The following CDH10 variants were observed in gnomAD, a reference collection of about 807,000 sequenced individuals.
The protein encoded by CDH10 is cadherin 10.
A neutral mutation model predicts 73.1 loss-of-function variants in CDH10; 30 were observed. The ratio of observed to expected loss-of-function variants is 0.41; its 90% CI spans 0.31 to 0.56. The LOEUF is 0.56. Ranked by LOEUF, CDH10 falls within the 20% of genes least tolerant of loss-of-function variation. The pLI, the probability that CDH10 is intolerant of heterozygous loss-of-function variation, is 0.27. For synonymous variants in CDH10, 345 were observed against 348.2 expected, an observed-to-expected ratio of 0.99 and a Z score of 0.10; for missense variants, 815 against 973.7, an observed-to-expected ratio of 0.84 and a Z score of 2.17.
At chr5:24,640,227 T>C (rs1343353273) in intron 1 of CDH10, among the ~76,000 whole-genome samples, 1 of 151,498 alleles carries the variant, frequency 6.6e-6, no homozygotes, top group Non-Finnish European at 1.5e-5. Context: ...GTTTTGTAAT[T>C]GTTTTAAATG....
At chr5:24,536,255 T>C (rs775535621) in intron 3 of CDH10, among the ~76,000 whole-genome samples, 13 of 152,078 alleles carry the variant, frequency 8.5e-5, no homozygotes, top group African/African-American at 1.2e-4. Context: ...ATTTTATGAA[T>C]AGATTAAATT....
intron 2 of CDH10, among the ~76,000 whole-genome samples, chr5:24,580,475 T>C (rs951505752): frequency 9.9e-5 from 15 of 152,260 alleles, no homozygotes; most frequent in African/African-American, 3.1e-4. Context: ...TATTCTATGA[T>C]ACCTTAGTTT....
chr5:24,606,461 A>C (rs902535733), intron 1 of CDH10, among the ~76,000 whole-genome samples: 1 of 152,042 alleles, frequency 6.6e-6, no homozygotes. Flanking sequence ...AAATACAAAA[A>C]TTAGCCAGGC....
At chr5:24,625,801 T>C (rs549060429) in intron 1 of CDH10, among the ~76,000 whole-genome samples, 47 of 151,632 alleles carry the variant, frequency 3.1e-4, no homozygotes, top group Non-Finnish European at 4.3e-4. Flanking sequence ...TTCTCCTACA[T>C]CACAAAATTC....
chr5:24,554,699 T>A (rs1744704706), intron 2 of CDH10, among the ~76,000 whole-genome samples: 1 of 152,132 alleles, frequency 6.6e-6, no homozygotes, highest in African/African-American at 2.4e-5. Context: ...CATTTAATTA[T>A]GGTAAAAAAG....
intron 5 of CDH10, among the ~76,000 whole-genome samples, chr5:24,533,397 A>C (rs568104281): frequency 3.9e-5 from 6 of 152,064 alleles, no homozygotes; most frequent in African/African-American, 1.4e-4. Context: ...ATGATCTAAA[A>C]TCCTCTAAAT....
At chr5:24,554,061 A>G (rs1744658850) in intron 2 of CDH10, 1 of 2,226 alleles carries the variant, frequency 4.5e-4, no homozygotes, top group Non-Finnish European at 8.8e-4. Context: ...AGCAAGACAC[A>G]GAGAGAGAGA....
chr5:24,589,820 A>T (rs143162286), intron 2 of CDH10, among the ~76,000 whole-genome samples: 69 of 152,242 alleles, frequency 4.5e-4, no homozygotes, highest in Middle Eastern at 6.8e-3. Flanking sequence ...CTAATAAAAA[A>T]TAGGAGTTTA....
chr5:24,518,302 A>T (rs1240506612), intron 5 of CDH10, among the ~76,000 whole-genome samples: 1 of 152,174 alleles, frequency 6.6e-6, no homozygotes, highest in Non-Finnish European at 1.5e-5. Flanking sequence ...AAAAGGAATG[A>T]AAAATGATGG....
intron 1 of CDH10, among the ~76,000 whole-genome samples, chr5:24,630,564 A>AG: frequency 6.6e-6 from 1 of 151,532 alleles, no homozygotes; most frequent in Non-Finnish European, 1.5e-5. Flanking sequence ...AAAAAAAAAA[A>AG]AAGAATATCA....
At chr5:24,619,319 A>T (rs1010660223) in intron 1 of CDH10, among the ~76,000 whole-genome samples, 1 of 151,778 alleles carries the variant, frequency 6.6e-6, no homozygotes, top group African/African-American at 2.4e-5. Flanking sequence ...TCAGCCTCCC[A>T]AGTAGCTGGG....
At position 24,543,515 on chromosome 5, in the gene CDH10, C is replaced by A. The variant is rs1255260271; in HGVS notation, c.232-5841G>T. Among the ~76,000 whole-genome samples, 3 of 152,014 alleles carry A rather than the reference C, an allele frequency of 2.0e-5. No individual in the cohort carries two copies. In the East Asian group the frequency reaches 5.8e-4, roughly 29 times the overall value. On this transcript the variant is annotated intron_variant, in intron 2 of 11. Coordinates refer to ENST00000264463, the MANE Select transcript of CDH10 (RefSeq NM_006727.5). ...TTCAATTTACAGTGATAATTTGTGC[C>A]TGATTTTCTTTCAAACAGCCAAGGT...
At chr5:24,613,359 A>C (rs1747016796) in intron 1 of CDH10, 1 of 152,000 alleles carries the variant, frequency 6.6e-6, no homozygotes, top group Admixed American at 6.6e-5. Context: ...CATAAGACTC[A>C]TTTTCATGCT....
chr5:24,552,813 C>G (rs909739352), intron 2 of CDH10, among the ~76,000 whole-genome samples: 2 of 151,922 alleles, frequency 1.3e-5, no homozygotes, highest in Non-Finnish European at 2.9e-5. Flanking sequence ...TCTTCCATAA[C>G]TTCTTAAATT....
At chr5:24,617,954 A>G (rs1388295059) in intron 1 of CDH10, among the ~76,000 whole-genome samples, 3 of 152,102 alleles carry the variant, frequency 2.0e-5, no homozygotes, top group Non-Finnish European at 4.4e-5. Context: ...CCCACCCTCT[A>G]TTTTACATAT....
At chr5:24,501,894 C>T (rs899985221) in intron 8 of CDH10, among the ~76,000 whole-genome samples, 5 of 151,540 alleles carry the variant, frequency 3.3e-5, no homozygotes, top group Admixed American at 3.3e-4. Flanking sequence ...TGATTGTGAC[C>T]TTAATTTTAG....
At chr5:24,573,655 C>A (rs1210754512) in intron 2 of CDH10, among the ~76,000 whole-genome samples, 9 of 146,856 alleles carry the variant, frequency 6.1e-5, no homozygotes, top group African/African-American at 2.3e-4. Flanking sequence ...GAGCGGAGAT[C>A]GCGCCACTGC....
chr5:24,507,117 A>G (rs16893462), intron 7 of CDH10, among the ~76,000 whole-genome samples: 2,217 of 152,234 alleles, frequency 0.015, 52 homozygotes, highest in African/African-American at 0.047. Context: ...ATTAACATTC[A>G]CAAGATATGA....
At chr5:24,569,454 A>T (rs2112016933) in intron 2 of CDH10, among the ~76,000 whole-genome samples, 1 of 145,450 alleles carries the variant, frequency 6.9e-6, no homozygotes, top group East Asian at 2.0e-4. Flanking sequence ...GATTTAATAA[A>T]CTTGATTTAC....
Sources: gnomAD v4.1 joint callset for allele counts (sites outside exome capture counted in the v4.1 genomes callset) on GRCh38, gnomAD v4.1.1 for gene constraint, MANE v1.5 for transcripts, NCBI Gene and HGNC (gene_info 2026-07-23, HGNC 2026-07-21) for gene names.